The following NSMCE1 variants were observed in gnomAD, a reference collection of about 807,000 sequenced individuals.
NSMCE1 encodes the protein non-structural maintenance of chromosomes element 1 homolog.
Under a neutral mutation model 29.6 loss-of-function variants are expected in NSMCE1, and 18 were observed. The ratio of observed to expected loss-of-function variants is 0.61; its 90% CI spans 0.42 to 0.90. The LOEUF (loss-of-function observed/expected upper bound fraction) is 0.90. NSMCE1 is among the 40% of genes least tolerant of loss of function. NSMCE1 has a pLI of 0.00. For synonymous variants in NSMCE1, 124 were observed against 133.4 expected (o/e 0.93, Z 0.49); for missense variants, 314 against 343.6 (o/e 0.91, Z 0.68).
chr16:27,251,192 ATATATATATATAT>A (rs2084030300), intron 2 of NSMCE1, among the ~76,000 whole-genome samples: 3 of 54,292 alleles, frequency 5.5e-5, no homozygotes, highest in African/African-American at 3.8e-4. Context: ...ATATATATAA[ATATATATATATAT>A]ATAAAACTCT....
intron 1 of NSMCE1, among the ~76,000 whole-genome samples, chr16:27,260,479 AG>A: frequency 6.6e-6 from 1 of 152,246 alleles, no homozygotes; most frequent in Non-Finnish European, 1.5e-5. Flanking sequence ...AAAGTAAGTC[AG>A]GAGAAATAAT....
intron 2 of NSMCE1, among the ~76,000 whole-genome samples, chr16:27,251,847 C>T (rs2084039012): frequency 6.6e-6 from 1 of 152,156 alleles, no homozygotes; most frequent in Non-Finnish European, 1.5e-5. Context: ...GCACTTTGGA[C>T]ATCTCAAGTT....
chr16:27,240,582 C>G (rs1458722519), intron 2 of NSMCE1, among the ~76,000 whole-genome samples: 1 of 152,146 alleles, frequency 6.6e-6, no homozygotes, highest in East Asian at 1.9e-4. Flanking sequence ...AGGCAAAGAC[C>G]CTGGAGCGAA....
chr16:27,264,739 A>G (rs753758204), intron 1 of NSMCE1, among the ~76,000 whole-genome samples: 7 of 152,326 alleles, frequency 4.6e-5, no homozygotes, highest in Non-Finnish European at 1.0e-4. Context: ...TAAGAGATAT[A>G]AAAAGTACAG....
At chr16:27,230,268 T>C (rs1323558030) in intron 5 of NSMCE1, among the ~76,000 whole-genome samples, 2 of 152,324 alleles carry the variant, frequency 1.3e-5, no homozygotes, top group East Asian at 3.9e-4. Flanking sequence ...TGACGTGTCC[T>C]TGGGGTGATA....
At chr16:27,242,457 C>T (rs2083905614) in intron 2 of NSMCE1, among the ~76,000 whole-genome samples, 1 of 152,170 alleles carries the variant, frequency 6.6e-6, no homozygotes, top group Admixed American at 6.5e-5. Context: ...GAGCATAAAA[C>T]TTATTTCATG....
chr16:27,233,754 G>T (rs533401291), intron 4 of NSMCE1, among the ~76,000 whole-genome samples: 2 of 152,364 alleles, frequency 1.3e-5, no homozygotes, highest in South Asian at 2.1e-4. Context: ...TGTCAAATGT[G>T]CACGTGCAAA....
chr16:27,265,764 G>T (rs529949607), intron 1 of NSMCE1, among the ~76,000 whole-genome samples: 2 of 152,264 alleles, frequency 1.3e-5, no homozygotes, highest in East Asian at 3.9e-4. Context: ...AATGTTAAGT[G>T]CAACAAGCAA....
In NSMCE1 at chr16:27,232,302, G is replaced by A. The variant is rs1015493445; in HGVS notation, c.483+699C>T. Among the ~76,000 whole-genome samples the A allele has an allele frequency of 6.6e-6, 1 of 152,206 alleles. No homozygotes were observed. The highest frequency in any genetic ancestry group is 2.4e-5 in the African/African-American group (1 of 41,450). Reference sequence around the variant, plus strand: ...TGTTGAAAACAGGGGTGCCTTTTGTGGAAAAAGAACTGAAACATTTGTTCT... The same window carrying A: ...TGTTGAAAACAGGGGTGCCTTTTGTAGAAAAAGAACTGAAACATTTGTTCT... On this transcript the variant is annotated intron_variant, in intron 5 of 7. Transcript: ENST00000361439. The surrounding 1 kb of genome is among the most constrained non-coding windows in gnomAD (Gnocchi z 4.5).
At position 27,232,955 on chromosome 16, in the gene NSMCE1, T is replaced by G; in HGVS notation, c.483+46A>C. On this transcript the variant is annotated intron_variant, in intron 5 of 7. Coordinates refer to ENST00000361439, the MANE Select transcript of NSMCE1 (RefSeq NM_145080.4). The surrounding 1 kb of genome is among the most constrained non-coding windows in gnomAD (Gnocchi z 4.5). ...TACGATTTTGGAGAAAAAACTGTTA[T>G]TCACTTGAAAAAGTGAACCAGGCTG... The G allele has an allele frequency of 6.3e-7, 1 of 1,599,002 alleles. No individual in the cohort carries two copies. Among genetic ancestry groups the G allele is most frequent in the African/African-American group, 1.3e-5 (1 of 74,242 alleles).
chr16:27,260,448 G>GAAAAACAAACACAA (rs1290231733), intron 1 of NSMCE1, among the ~76,000 whole-genome samples: 20 of 151,746 alleles, frequency 1.3e-4, no homozygotes, highest in Admixed American at 1.2e-3. Flanking sequence ...ACCAGGATAG[G>GAAAAACAAACACAA]AAAAACAAAC....
intron 2 of NSMCE1, among the ~76,000 whole-genome samples, chr16:27,239,421 A>G (rs1232132642): frequency 6.6e-6 from 1 of 152,222 alleles, no homozygotes; most frequent in African/African-American, 2.4e-5. Flanking sequence ...TTTTGACCTC[A>G]ATATTCTACG....
intron 5 of NSMCE1, among the ~76,000 whole-genome samples, chr16:27,231,300 A>G (rs1477561282): frequency 6.6e-6 from 1 of 152,216 alleles, no homozygotes; most frequent in Non-Finnish European, 1.5e-5. Context: ...ACATTCTGCA[A>G]TGGGGACCAG....
At position 27,234,070 on chromosome 16, in the gene NSMCE1, A is replaced by G. The variant is rs28573272; in HGVS notation, c.336+118T>C. The G allele has an allele frequency of 4.3e-3, 3,076 of 720,162 alleles. 85 individuals carry two copies. In the African/African-American group the frequency reaches 0.048, roughly 11 times the overall value. The allele number at this position is 720,162 out of a possible 1,614,324, so 44.6% of individuals were successfully genotyped here. Reference sequence around the variant, plus strand: ...CTGCAAAGCCTTTTCTCAGACAGCAATGGTGGCCCATGTCCCCCCAGTGAT... The same window carrying G: ...CTGCAAAGCCTTTTCTCAGACAGCAGTGGTGGCCCATGTCCCCCCAGTGAT... On this transcript the variant is annotated intron_variant, in intron 4 of 7. Transcript: ENST00000361439.
At chr16:27,240,992 T>C (rs1350056592) in intron 2 of NSMCE1, among the ~76,000 whole-genome samples, 4 of 152,190 alleles carry the variant, frequency 2.6e-5, no homozygotes, top group African/African-American at 9.7e-5. Flanking sequence ...GAGGATAGCT[T>C]GAGCCCAGGA....
intron 5 of NSMCE1, chr16:27,230,604 G>C (rs1486581119): frequency 1.3e-5 from 2 of 152,328 alleles, no homozygotes; most frequent in Non-Finnish European, 2.9e-5. Flanking sequence ...AGGCAGCGGA[G>C]GAACCTGGAG....
chr16:27,251,159 A>AATATATATATATATATATATAT (rs1166070119), intron 2 of NSMCE1, among the ~76,000 whole-genome samples: 24 of 65,738 alleles, frequency 3.7e-4, no homozygotes, highest in East Asian at 1.4e-3. Flanking sequence ...AATTATTTAA[A>AATATATATATATATATATATAT]ATATATATAT....
chr16:27,235,651 T>A (rs1481490701), intron 2 of NSMCE1, among the ~76,000 whole-genome samples: 1 of 152,192 alleles, frequency 6.6e-6, no homozygotes. Flanking sequence ...AGAGCCTGCG[T>A]GAGCTCCCGC....
At chr16:27,262,902 T>C (rs1211009024) in intron 1 of NSMCE1, among the ~76,000 whole-genome samples, 1 of 151,970 alleles carries the variant, frequency 6.6e-6, no homozygotes, top group African/African-American at 2.4e-5. Flanking sequence ...CCAACATTTT[T>C]CAAAAAGAAG....
Sources: gnomAD v4.1 joint callset for allele counts (sites outside exome capture counted in the v4.1 genomes callset) on GRCh38, gnomAD v4.1.1 for gene constraint, Gnocchi (gnomAD v3.1) non-coding constraint, MANE v1.5 for transcripts, NCBI Gene and HGNC (gene_info 2026-07-23, HGNC 2026-07-21) for gene names.